ANKRD30A: variants seen among roughly 807,000 people sequenced by gnomAD.
The protein encoded by ANKRD30A is ankyrin repeat domain 30A.
ANKRD30A carries 170 observed loss-of-function variants against 166.3 expected under a neutral mutation model. The ratio of observed to expected loss-of-function variants is 1.02; its 90% confidence interval spans 0.90 to 1.16. The LOEUF (loss-of-function observed/expected upper bound fraction) is 1.16. Among genes scored for constraint, ANKRD30A ranks in the 50% most tolerant of loss-of-function variants. The pLI is 0.00. For missense variants in ANKRD30A, 1,630 were observed against 1,518.0 expected (o/e 1.07, Z -1.23); for synonymous variants, 564 against 508.9 (o/e 1.11, Z -1.46).
intron 34 of ANKRD30A, among the ~76,000 whole-genome samples, chr10:37,222,005 C>A (rs1296635136): frequency 1.3e-5 from 2 of 151,172 alleles, no homozygotes; most frequent in African/African-American, 4.8e-5. Context: ...ACATTTAGAT[C>A]ATGTATAGTA....
rs573803680 is a variant in ANKRD30A at position 37,141,502 on chromosome 10, T to C, written c.821-216T>C. Reference sequence around the variant, plus strand: ...GGAGAATCGCTTGAGGTAGGAGAATTGCTTGAATTGCATTGAGCTGAGATC... The same window carrying C: ...GGAGAATCGCTTGAGGTAGGAGAATCGCTTGAATTGCATTGAGCTGAGATC... On this transcript the variant is annotated intron_variant, in intron 6 of 35. Transcript: ENST00000361713. Among the ~76,000 whole-genome samples, 3 of 146,968 alleles carry C rather than the reference T, an allele frequency of 2.0e-5. No homozygotes were observed. In the South Asian group the frequency reaches 6.4e-4, roughly 31 times the overall value.
intron 1 of ANKRD30A, among the ~76,000 whole-genome samples, chr10:37,126,336 AC>A (rs1836008063): frequency 6.6e-6 from 1 of 152,252 alleles, no homozygotes; most frequent in African/African-American, 2.4e-5. Context: ...AAAATTAAGT[AC>A]ATACAGGGTT....
rs780664888 is a variant in ANKRD30A at position 37,142,025 on chromosome 10, A to C, written c.1128A>C (p.Ala376=). The C allele has an allele frequency of 6.2e-7, 1 of 1,605,916 alleles. No homozygotes were observed. Among genetic ancestry groups the C allele is most frequent in the East Asian group, 2.2e-5 (1 of 44,690 alleles). Residue 376 remains alanine (A), a synonymous_variant, in exon 7 of 36, where the codon GCA becomes GCC. Coordinates refer to ENST00000361713, the MANE Select transcript of ANKRD30A (RefSeq NM_052997.3). Reference sequence around the variant, plus strand: ...CATCTGAGAAATTTACGTGGCCAGCAAAAGGAAGACCTAGGAAGATCGCAT... The same window carrying C: ...CATCTGAGAAATTTACGTGGCCAGCCAAAGGAAGACCTAGGAAGATCGCAT... ...KETSEKFTWP[A]KGRPRKIAWE...
intron 27 of ANKRD30A, among the ~76,000 whole-genome samples, chr10:37,195,804 G>A (rs373835978): frequency 1.3e-5 from 2 of 152,244 alleles, no homozygotes; most frequent in East Asian, 1.9e-4. Context: ...GCTGCTGGTG[G>A]TCCTTGGAGC....
intron 19 of ANKRD30A, among the ~76,000 whole-genome samples, chr10:37,167,287 A>ATATAT (rs1839428769): frequency 2.4e-5 from 3 of 126,702 alleles, no homozygotes; most frequent in African/African-American, 1.1e-4. Flanking sequence ...TGAGGCGTCA[A>ATATAT]ATATATATAT....
chr10:37,235,387 G>A (rs947250968), downstream of ANKRD30A, among the ~76,000 whole-genome samples: 2 of 152,086 alleles, frequency 1.3e-5, no homozygotes, highest in African/African-American at 4.8e-5. Flanking sequence ...ATTGCCTTCA[G>A]ACATTAAACT....
intron 34 of ANKRD30A, among the ~76,000 whole-genome samples, chr10:37,227,662 C>A (rs1189663335): frequency 2.0e-5 from 3 of 151,944 alleles, no homozygotes; most frequent in African/African-American, 7.2e-5. Context: ...GACTCCATGA[C>A]TTGATGGGAA....
At chr10:37,127,815 G>A (rs549437683) in intron 1 of ANKRD30A, among the ~76,000 whole-genome samples, 11 of 134,666 alleles carry the variant, frequency 8.2e-5, no homozygotes, top group African/African-American at 2.9e-4. Context: ...TAAAGTTTAA[G>A]TTGCAGATGA....
At chr10:37,241,273 G>C in the ANKRD30A span, 2 of 150,694 alleles carry the variant, frequency 1.3e-5, no homozygotes, top group African/African-American at 2.4e-5. Context: ...AGAAAAAAAA[G>C]GTACTAACTT....
intron 17 of ANKRD30A, among the ~76,000 whole-genome samples, chr10:37,164,664 A>G (rs1444279320): frequency 2.0e-5 from 3 of 152,122 alleles, no homozygotes; most frequent in Non-Finnish European, 4.4e-5. Context: ...TCATTGATAA[A>G]TCATCTTTTT....
intron 9 of ANKRD30A, among the ~76,000 whole-genome samples, chr10:37,148,864 A>G (rs1360028416): frequency 6.6e-6 from 1 of 152,130 alleles, no homozygotes; most frequent in East Asian, 1.9e-4. Context: ...ACGCCAAATC[A>G]GATGAATTGT....
rs1192112322 is a variant in ANKRD30A, at chr10:37,211,896, A to AT, written c.2870-4279dup. Among the ~76,000 whole-genome samples the AT allele has an allele frequency of 2.6e-5, 4 of 151,954 alleles. No individual in the cohort carries two copies. The East Asian group carries it at 7.8e-4, about 30-fold the overall frequency. ...TCTCTGATGGCCAGTGATGATGAGCATTTTTTCATGTGTCTTTTGGCTGCA... is the reference window on the plus strand; with the variant it reads ...TCTCTGATGGCCAGTGATGATGAGCATTTTTTTCATGTGTCTTTTGGCTGCA... On this transcript the variant is annotated intron_variant, in intron 31 of 35. Coordinates refer to ENST00000361713, the MANE Select transcript of ANKRD30A (RefSeq NM_052997.3).
At chr10:37,223,063 C>T (rs924805981) in intron 34 of ANKRD30A, among the ~76,000 whole-genome samples, 1 of 151,250 alleles carries the variant, frequency 6.6e-6, no homozygotes, top group African/African-American at 2.4e-5. Flanking sequence ...AGAAACCACT[C>T]TAATAGAGGA....
At chr10:37,158,254 C>G (rs1838534253) in intron 13 of ANKRD30A, 138 bp from the exon 14 acceptor site, 2 of 1,382,484 alleles carry the variant, frequency 1.4e-6, no homozygotes, top group Non-Finnish European at 2.0e-6. Flanking sequence ...TACAATAACC[C>G]AAAAGACCCC....
At chr10:37,228,937 A>G (rs1235500059) in intron 34 of ANKRD30A, among the ~76,000 whole-genome samples, 2 of 152,024 alleles carry the variant, frequency 1.3e-5, no homozygotes, top group Admixed American at 1.3e-4. Context: ...TTACTAATTA[A>G]TCTGCCATTT....
At chr10:37,198,157 TC>T (rs1306972772) in intron 29 of ANKRD30A, among the ~76,000 whole-genome samples, 1 of 152,158 alleles carries the variant, frequency 6.6e-6, no homozygotes, top group Non-Finnish European at 1.5e-5. Context: ...TAACCAATAT[TC>T]TAAACTGTTT....
At chr10:37,192,931 G>A (rs1431701736) in intron 25 of ANKRD30A, 133 bp from the exon 26 acceptor site, 66 of 1,472,254 alleles carry the variant, frequency 4.5e-5, no homozygotes, top group Non-Finnish European at 6.0e-5. Flanking sequence ...TAACCCAAAA[G>A]ACCCCAAAAG....
At chr10:37,201,734 A>C (rs1268892854) in intron 31 of ANKRD30A, among the ~76,000 whole-genome samples, 2 of 152,174 alleles carry the variant, frequency 1.3e-5, no homozygotes, top group East Asian at 3.9e-4. Context: ...GAAGAATATA[A>C]AGTGACCTTC....
intron 12 of ANKRD30A, among the ~76,000 whole-genome samples, chr10:37,152,815 G>A (rs17606052): frequency 6.6e-6 from 1 of 152,100 alleles, no homozygotes; most frequent in Non-Finnish European, 1.5e-5. Context: ...AAAGACATGG[G>A]AAGTATCTGA....
Sources: allele counts gnomAD v4.1 joint callset (sites outside exome capture counted in the v4.1 genomes callset), GRCh38; gene constraint gnomAD v4.1.1; transcripts MANE v1.5; gene names NCBI Gene and HGNC (gene_info 2026-07-23, HGNC 2026-07-21).